LAMA2: variants seen among roughly 807,000 people sequenced by gnomAD.
The protein encoded by LAMA2 is laminin subunit alpha-2.
A neutral mutation model predicts 364.8 loss-of-function variants in LAMA2; 269 were observed. The observed-to-expected ratio is 0.74, with a 90% CI of 0.67 to 0.82. The LOEUF is 0.82. LAMA2 is among the 40% of genes least tolerant of loss of function. The pLI, the probability that LAMA2 is intolerant of heterozygous loss-of-function variation, is 0.00. For missense variants in LAMA2, 3,807 were observed against 3,873.2 expected (o/e 0.98, Z 0.45); for synonymous variants, 1,379 against 1,370.6 (o/e 1.01, Z -0.14).
At chr6:129,402,594 T>G (rs1468112544) in intron 39 of LAMA2, 107 bp downstream of exon 39, 4 of 1,144,764 alleles carry the variant, frequency 3.5e-6, no homozygotes, top group Non-Finnish European at 5.1e-6. Flanking sequence ...TTCTGTTAAT[T>G]ATGAACACAC....
chr6:129,498,847 A>T (rs533337222), intron 58 of LAMA2, among the ~76,000 whole-genome samples: 1 of 152,316 alleles, frequency 6.6e-6, no homozygotes, highest in South Asian at 2.1e-4. Flanking sequence ...GAATCTAAGA[A>T]CTCATTTCCA....
chr6:129,477,433 C>CTTAAT (rs1784121322), intron 53 of LAMA2, among the ~76,000 whole-genome samples: 1 of 152,196 alleles, frequency 6.6e-6, no homozygotes, highest in African/African-American at 2.4e-5. Context: ...AGTGCTATTC[C>CTTAAT]TTAATTTATT....
At chr6:129,119,766 T>C (rs1206054030) in intron 4 of LAMA2, among the ~76,000 whole-genome samples, 1 of 152,182 alleles carries the variant, frequency 6.6e-6, no homozygotes, top group Non-Finnish European at 1.5e-5. Flanking sequence ...GCCAGGATGG[T>C]CTCGATCTTC....
intron 1 of LAMA2, among the ~76,000 whole-genome samples, chr6:128,955,032 AATT>A (rs1385054863): frequency 6.6e-6 from 1 of 151,774 alleles, no homozygotes; most frequent in Non-Finnish European, 1.5e-5. Context: ...ACTAAATAAC[AATT>A]ATTATTGAGA....
intron 1 of LAMA2, among the ~76,000 whole-genome samples, chr6:129,047,903 A>C (rs922418112): frequency 6.6e-6 from 1 of 152,186 alleles, no homozygotes; most frequent in Non-Finnish European, 1.5e-5. Context: ...CACTAGATCT[A>C]TGCTGGTTTC....
chr6:128,910,159 A>G (rs1296449983), intron 1 of LAMA2, among the ~76,000 whole-genome samples: 1 of 152,002 alleles, frequency 6.6e-6, no homozygotes, highest in Non-Finnish European at 1.5e-5. Context: ...CCTTCTCTGT[A>G]TTTCCTGAAT....
chr6:129,222,083 G>C (rs1207830767), intron 12 of LAMA2, among the ~76,000 whole-genome samples: 1 of 152,122 alleles, frequency 6.6e-6, no homozygotes, highest in Non-Finnish European at 1.5e-5. Context: ...CAGGGTAACG[G>C]GGTGGTGAGG....
At position 128,965,979 on chromosome 6, in the gene LAMA2, GTTT is replaced by G. The variant is rs11342050; in HGVS notation, c.112+82641_112+82643del. Reference sequence around the variant, plus strand: ...TGGAATATTAACATGTAAACCAGAGGTTTTTTTTTTTTTTTTTTTTTGAACAAT... The same window carrying G: ...TGGAATATTAACATGTAAACCAGAGGTTTTTTTTTTTTTTTTTTGAACAAT... On this transcript the variant is annotated intron_variant, in intron 1 of 64. Transcript: ENST00000421865. Among the ~76,000 whole-genome samples, 78 of 112,806 alleles carry G rather than the reference GTTT, an allele frequency of 6.9e-4. 2 individuals are homozygous for G. Among genetic ancestry groups the G allele is most frequent in the Middle Eastern group, 6.6e-3 (1 of 152 alleles). The allele number at this position is 112,806 out of a possible 152,430, so 74.0% of individuals were successfully genotyped here. A position where few individuals can be genotyped will look rare whatever the true frequency, so the allele number is the denominator to read the frequency against.
chr6:129,080,996 A>G (rs954629722), intron 3 of LAMA2, among the ~76,000 whole-genome samples: 4 of 152,216 alleles, frequency 2.6e-5, no homozygotes, highest in Admixed American at 6.5e-5. Flanking sequence ...ACCAACCCAA[A>G]TGTCCATCAA....
At chr6:129,217,935 A>G (rs148391360) in intron 12 of LAMA2, among the ~76,000 whole-genome samples, 202 of 152,312 alleles carry the variant, frequency 1.3e-3, no homozygotes, top group African/African-American at 4.7e-3. Context: ...GAGAAAAATA[A>G]ACTTGGGCCT....
intron 1 of LAMA2, among the ~76,000 whole-genome samples, chr6:128,994,625 T>C (rs1403369265): frequency 1.3e-5 from 2 of 152,190 alleles, no homozygotes; most frequent in African/African-American, 4.8e-5. Context: ...ACAGGAATCC[T>C]GAGTACATAC....
intron 12 of LAMA2, among the ~76,000 whole-genome samples, chr6:129,241,687 A>C (rs1032390614): frequency 6.6e-6 from 1 of 152,206 alleles, no homozygotes; most frequent in Non-Finnish European, 1.5e-5. Flanking sequence ...TGTGATTTAT[A>C]TATGACTCCA....
Position 129,021,932 on chromosome 6 carries a change from C to T in LAMA2, c.113-27986C>T, listed in dbSNP as rs1785475626. Among the ~76,000 whole-genome samples the T allele has an allele frequency of 2.6e-5, 4 of 152,138 alleles. No individual in the cohort carries two copies. In the South Asian group the frequency reaches 8.3e-4, roughly 32 times the overall value. On this transcript the variant is annotated intron_variant, in intron 1 of 64. Transcript: ENST00000421865. The stretch of plus-strand genomic sequence containing the variant: ...AATGTGGTTTTAAGTAGGCCATGGA[C>T]CAAAAGTAGGCCACAAGGCATGGCA...
At chr6:129,498,975 A>G (rs1339713036) in intron 58 of LAMA2, among the ~76,000 whole-genome samples, 1 of 152,178 alleles carries the variant, frequency 6.6e-6, no homozygotes, top group Non-Finnish European at 1.5e-5. Context: ...AATTTGGTGC[A>G]CTATCTACTT....
chr6:129,230,468 T>C (rs1054066009), intron 12 of LAMA2, among the ~76,000 whole-genome samples: 2 of 152,028 alleles, frequency 1.3e-5, no homozygotes, highest in Non-Finnish European at 2.9e-5. Flanking sequence ...CATAGATACT[T>C]TTATGGGATG....
At chr6:128,968,302 A>G (rs1473915571) in intron 1 of LAMA2, among the ~76,000 whole-genome samples, 4 of 152,158 alleles carry the variant, frequency 2.6e-5, no homozygotes. Flanking sequence ...TCATTCATTT[A>G]TTCAAACAAA....
At chr6:129,056,938 G>T (rs1289018176) in intron 2 of LAMA2, among the ~76,000 whole-genome samples, 1 of 150,768 alleles carries the variant, frequency 6.6e-6, no homozygotes, top group Admixed American at 6.6e-5. Context: ...TCACTGTGTT[G>T]GCCAGGCTGG....
chr6:129,249,291 T>C (rs1786002244), intron 12 of LAMA2, among the ~76,000 whole-genome samples: 1 of 152,000 alleles, frequency 6.6e-6, no homozygotes, highest in African/African-American at 2.4e-5. Context: ...AGTGCTGGAG[T>C]GGAATTTTAA....
At position 129,393,163 on chromosome 6, in the gene LAMA2, G is replaced by A; in HGVS notation, c.5353G>A (p.Asp1785Asn). 6.2e-7 allele frequency: 1 copy of A among 1,614,078 alleles called. No homozygotes were observed. The highest frequency in any genetic ancestry group is 8.5e-7 in the Non-Finnish European group (1 of 1,179,962). ...KLADYKNKVD[D>N]AWDLLREATD... ...GGCTGACTACAAAAACAAAGTTGAT[G>A]ATGCTTGGGACCTTTTGAGAGAAGC... The change falls in exon 37 of 65, where the codon GAT (aspartate) becomes AAT (asparagine). Residue 1785 changes from aspartate (D) to asparagine (N), a missense_variant. Around this residue, in one of 3 missense-constraint regions of LAMA2, gnomAD observed 3,333 missense variants for 3,345.7 expected, o/e 1.00. Coordinates refer to ENST00000421865, the MANE Select transcript of LAMA2 (RefSeq NM_000426.4).
Sources: allele counts gnomAD v4.1 joint callset (sites outside exome capture counted in the v4.1 genomes callset), GRCh38; gene constraint gnomAD v4.1.1; regional missense constraint gnomAD v4.1.1; transcripts MANE v1.5; gene names NCBI Gene and HGNC (gene_info 2026-07-23, HGNC 2026-07-21).